The following PPM1B variants were observed in gnomAD, a reference collection of about 807,000 sequenced individuals.
PPM1B encodes the protein protein phosphatase, Mg2+/Mn2+ dependent 1B.
In PPM1B, 22 loss-of-function variants were observed where a neutral mutation model predicts 43.0. The observed-to-expected ratio is 0.51, with a 90% CI of 0.37 to 0.73. The LOEUF (loss-of-function observed/expected upper bound fraction) is 0.73, where lower values mean the gene tolerates loss of function less well. PPM1B is among the 30% of genes least tolerant of loss of function. The pLI is 0.00. For missense variants in PPM1B, 632 were observed against 584.2 expected (o/e 1.08, Z -0.84); for synonymous variants, 217 against 197.9 (o/e 1.10, Z -0.81).
At chr2:44,180,847 G>C (rs774860008) in intron 1 of PPM1B, among the ~76,000 whole-genome samples, 12 of 151,876 alleles carry the variant, frequency 7.9e-5, no homozygotes, top group Non-Finnish European at 1.6e-4. Context: ...AATTAGGGTG[G>C]GAAAGGAGCT....
intron 1 of PPM1B, among the ~76,000 whole-genome samples, chr2:44,179,206 C>T (rs1300666299): frequency 6.6e-6 from 1 of 152,208 alleles, no homozygotes; most frequent in African/African-American, 2.4e-5. Context: ...TCCTTGCCTT[C>T]AGCAGTGATC....
intron 3 of PPM1B, 171 bp downstream of exon 3, chr2:44,209,498 C>T: frequency 1.3e-6 from 1 of 793,192 alleles, no homozygotes; most frequent in Non-Finnish European, 1.8e-6. Flanking sequence ...TTAAAATTTC[C>T]TGGTCAGGCG....
At chr2:44,238,545 T>C (rs1670679325), downstream of PPM1B, among the ~76,000 whole-genome samples, 1 of 151,766 alleles carries the variant, frequency 6.6e-6, no homozygotes, top group South Asian at 2.1e-4. Flanking sequence ...CTACTAAAAA[T>C]AGAAAAATTA....
chr2:44,218,465 G>GTTTT lies in PPM1B; in HGVS notation c.1077-6_1077-3dup. 3.3e-6 allele frequency: 4 copies of GTTTT among 1,201,602 alleles called. No homozygotes were observed. Among genetic ancestry groups the GTTTT allele is most frequent in the South Asian group, 1.4e-5 (1 of 69,840 alleles). 74.4% of individuals were successfully genotyped at this position (1,201,602 alleles called of 1,614,324 possible). On this transcript the variant is annotated splice_polypyrimidine_tract_variant and intron_variant, in intron 4 of 5. Coordinates refer to ENST00000282412, the MANE Select transcript of PPM1B (RefSeq NM_002706.6). ...GTGTAATTTAATAAAACTAAAGCAT[G>GTTTT]TTTTTTTTTTTTAGGCGTAATGTTA...
chr2:44,218,366 A>C, intron 4 of PPM1B, 114 bp from the exon 5 acceptor site: 2 of 788,962 alleles, frequency 2.5e-6, no homozygotes, highest in South Asian at 3.2e-5. Flanking sequence ...GTTCTTGACA[A>C]GTATAGAGTG....
At chr2:44,230,295 A>G in intron 5 of PPM1B, 118 bp from the exon 6 acceptor site, 16 of 1,502,942 alleles carry the variant, frequency 1.1e-5, no homozygotes, top group Non-Finnish European at 1.4e-5. Flanking sequence ...AAATGTTCTC[A>G]TGCTTAGACT....
chr2:44,192,190 GGTATTGTATT>G (rs147906873), intron 1 of PPM1B, among the ~76,000 whole-genome samples: 4,718 of 143,582 alleles, frequency 0.033, 209 homozygotes, highest in African/African-American at 0.11. Flanking sequence ...GTTATGTTAT[GGTATTGTATT>G]GTATTGTATT....
In PPM1B at chr2:44,230,500, C is replaced by T. The variant is rs772994542; in HGVS notation, c.1222C>T (p.Arg408Ter). 8 of 1,614,008 alleles carry T rather than the reference C, an allele frequency of 5.0e-6. No homozygotes were observed. The highest frequency in any genetic ancestry group is 2.2e-5 in the East Asian group (1 of 44,868). Residue 408 changes from arginine to a stop codon, truncating the protein, a stop_gained, in exon 6 of 6, where the codon CGA becomes TGA. Coordinates refer to ENST00000282412, the MANE Select transcript of PPM1B (RefSeq NM_002706.6). LOFTEE classifies it high-confidence loss of function. ...GAGAATTAATCATAGGGGAAACTACCGACAACTTCTGGAGGAGATGCTGAC... is the reference window on the plus strand; with the variant it reads ...GAGAATTAATCATAGGGGAAACTACTGACAACTTCTGGAGGAGATGCTGAC... ...QMRINHRGNYRQLLEEMLTSY... is the reference protein window; with the variant it reads ...QMRINHRGNY
chr2:44,241,893 C>G (rs940656545), intron 5 of PPM1B, among the ~76,000 whole-genome samples: 1 of 106,716 alleles, frequency 9.4e-6, no homozygotes, highest in South Asian at 3.2e-4. Flanking sequence ...GAGTCTCGCA[C>G]TCTCGTCCAG....
At position 44,219,495 on chromosome 2, in the gene PPM1B, A is replaced by G. The variant is rs115832096; in HGVS notation, c.1134+958A>G. On this transcript the variant is annotated intron_variant, in intron 5 of 5. Transcript: ENST00000282412. Reference sequence around the variant, plus strand: ...AATATGATTTCTTTTCCTTAACAGTAAAAGTTATCCTGGCAAAAAGGAAAA... The same window carrying G: ...AATATGATTTCTTTTCCTTAACAGTGAAAGTTATCCTGGCAAAAAGGAAAA... Among the ~76,000 whole-genome samples, 535 of 152,246 alleles carry G rather than the reference A, an allele frequency of 3.5e-3. 2 individuals are homozygous for G. The highest frequency in any genetic ancestry group is 0.012 in the African/African-American group (506 of 41,566).
chr2:44,190,532 T>A (rs565740644), intron 1 of PPM1B, among the ~76,000 whole-genome samples: 13 of 152,306 alleles, frequency 8.5e-5, no homozygotes, highest in Non-Finnish European at 2.9e-5. Flanking sequence ...TTTTGAAGCT[T>A]TTCTCCCCTT....
At chr2:44,196,927 G>T (rs779130207) in intron 1 of PPM1B, among the ~76,000 whole-genome samples, 1 of 152,100 alleles carries the variant, frequency 6.6e-6, no homozygotes, top group Non-Finnish European at 1.5e-5. Flanking sequence ...AATCACAGGT[G>T]GAGAGATTTT....
chr2:44,199,748 ATCT>A (rs1160823526), intron 1 of PPM1B, among the ~76,000 whole-genome samples: 2 of 152,202 alleles, frequency 1.3e-5, no homozygotes, highest in African/African-American at 4.8e-5. Context: ...CATGATTTTA[ATCT>A]TATCCTTTCA....
chr2:44,242,064 T>TA (rs1670759158), intron 5 of PPM1B, among the ~76,000 whole-genome samples: 1 of 151,930 alleles, frequency 6.6e-6, no homozygotes, highest in African/African-American at 2.4e-5. Context: ...TTCACAGTGT[T>TA]AGCCAAGATG....
chr2:44,191,669 G>C (rs544131193), intron 1 of PPM1B, among the ~76,000 whole-genome samples: 1 of 152,104 alleles, frequency 6.6e-6, no homozygotes, highest in Admixed American at 6.5e-5. Context: ...ATTATTGTAT[G>C]CTTCTGCTTG....
At chr2:44,171,385 A>G (rs1453952285) in intron 1 of PPM1B, among the ~76,000 whole-genome samples, 2 of 152,246 alleles carry the variant, frequency 1.3e-5, no homozygotes, top group Non-Finnish European at 2.9e-5. Flanking sequence ...AGGGTCAGAA[A>G]AAGTGGCTCT....
At chr2:44,232,013 T>A (rs1670483400), downstream of PPM1B, among the ~76,000 whole-genome samples, 1 of 152,220 alleles carries the variant, frequency 6.6e-6, no homozygotes, top group African/African-American at 2.4e-5. Flanking sequence ...AACTTCGGAA[T>A]CTTTGGATGT....
intron 1 of PPM1B, among the ~76,000 whole-genome samples, chr2:44,185,135 C>T (rs1226105603): frequency 2.0e-5 from 3 of 151,858 alleles, no homozygotes; most frequent in South Asian, 2.1e-4. Context: ...TTTTACATTT[C>T]ATTTAAATGG....
chr2:44,216,780 C>T (rs1219314220), intron 3 of PPM1B, among the ~76,000 whole-genome samples: 2 of 151,876 alleles, frequency 1.3e-5, no homozygotes, highest in African/African-American at 4.8e-5. Context: ...CAAAAATTAG[C>T]TGGGTGTGGT....
Sources: allele counts gnomAD v4.1 joint callset (sites outside exome capture counted in the v4.1 genomes callset), GRCh38; gene constraint gnomAD v4.1.1; transcripts MANE v1.5; gene names NCBI Gene and HGNC (gene_info 2026-07-23, HGNC 2026-07-21).